BRD4: variants seen among roughly 807,000 people sequenced by gnomAD.
The protein encoded by BRD4 is bromodomain containing 4.
A neutral mutation model predicts 142.1 loss-of-function variants in BRD4; 16 were observed. The ratio of observed to expected loss-of-function variants is 0.11; its 90% CI spans 0.08 to 0.17. The LOEUF is 0.17. Ranked by LOEUF, BRD4 falls within the 10% of genes least tolerant of loss-of-function variation. The pLI is 1.00. For synonymous variants in BRD4, 833 were observed against 707.5 expected (o/e 1.18, Z -2.82); for missense variants, 1,424 against 1,810.9 (o/e 0.79, Z 3.88).
intron 1 of BRD4, among the ~76,000 whole-genome samples, chr19:15,289,665 C>CAAAAAAAAAAA (rs34191233): frequency 8.7e-6 from 1 of 115,528 alleles, no homozygotes; most frequent in African/African-American, 3.0e-5. Flanking sequence ...GGTTTTGATC[C>CAAAAAAAAAAA]AAAAAAAAAA....
intron 1 of BRD4, among the ~76,000 whole-genome samples, chr19:15,311,161 A>C (rs1271673511): frequency 2.0e-5 from 3 of 151,476 alleles, no homozygotes; most frequent in Admixed American, 2.0e-4. Context: ...CATGGTGGCA[A>C]GGGGCCTGTA....
intron 10 of BRD4, 87 bp from the exon 11 acceptor site, chr19:15,254,349 G>T: frequency 8.6e-7 from 1 of 1,166,304 alleles, no homozygotes; most frequent in Non-Finnish European, 1.3e-6. Flanking sequence ...TCCATCTGGA[G>T]GAAGGACCAG....
Position 15,239,366 on chromosome 19 carries a change from C to T in BRD4, c.3576+26G>A, listed in dbSNP as rs192715927. ...GCACCTTCCAGGGCCAAGGGGCAAGCGACACCCATGGACCTCCATCCCAAC... is the reference window on the plus strand; with the variant it reads ...GCACCTTCCAGGGCCAAGGGGCAAGTGACACCCATGGACCTCCATCCCAAC... On this transcript the variant is annotated intron_variant, in intron 17 of 19. Transcript: ENST00000679869. This position sits in a 1 kb window ranked among gnomAD's most constrained non-coding sequence, Gnocchi z 7.4. The T allele has an allele frequency of 3.0e-5, 48 of 1,614,126 alleles. No homozygotes were observed. The highest frequency in any genetic ancestry group is 6.7e-5 in the African/African-American group (5 of 75,048).
rs556078235 is a variant in BRD4 at position 15,241,333 on chromosome 19, C to T, written c.3170-1311G>A. Among the ~76,000 whole-genome samples, 4 of 152,334 alleles carry T rather than the reference C, an allele frequency of 2.6e-5. No individual in the cohort carries two copies. The South Asian group carries it at 8.3e-4, about 32-fold the overall frequency. ...CACCTGCTGAGGCTGACCTGGGCAA[C>T]GGTAGGCTCCAGGGGCTGTGGTTTA... On this transcript the variant is annotated intron_variant, in intron 14 of 19. Coordinates refer to ENST00000679869, the MANE Select transcript of BRD4 (RefSeq NM_001379291.1).
rs1236171366 is a variant in BRD4, at chr19:15,243,134, G to T, written c.2935C>A (p.Pro979Thr). The T allele has an allele frequency of 7.9e-7, 1 of 1,267,018 alleles. No homozygotes were observed. The highest frequency in any genetic ancestry group is 1.1e-6 in the Non-Finnish European group (1 of 943,434). The allele number at this position is 1,267,018 out of a possible 1,614,324, so 78.5% of individuals were successfully genotyped here. The change falls in exon 14 of 20, where the codon CCA becomes ACA. Residue 979 changes from proline (P) to threonine (T), a missense_variant. Transcript: ENST00000679869. The stretch of plus-strand genomic sequence containing the variant: ...TGGGGTGGAGGCTGGGGCTGGGGTG[G>T]TGGGGGTGGTGGCGGCTGCTGCTGC... ...QLQQQPPPPPPPQPQPPPQQQ... is the reference protein window; with the variant it reads ...QLQQQPPPPPTPQPQPPPQQQ...
chr19:15,282,346 A>G (rs1327733953), intron 1 of BRD4, among the ~76,000 whole-genome samples: 4 of 152,240 alleles, frequency 2.6e-5, no homozygotes, highest in African/African-American at 9.6e-5. Flanking sequence ...AAAATTACAG[A>G]TGAAATTAGG....
intron 7 of BRD4, among the ~76,000 whole-genome samples, chr19:15,263,068 C>T (rs1052924820): frequency 2.6e-5 from 4 of 152,126 alleles, no homozygotes; most frequent in Admixed American, 1.3e-4. Flanking sequence ...CCTCAGCTCA[C>T]GACTGTGACA....
At chr19:15,317,409 T>C (rs1393194325) in intron 1 of BRD4, among the ~76,000 whole-genome samples, 2 of 152,192 alleles carry the variant, frequency 1.3e-5, no homozygotes, top group African/African-American at 4.8e-5. Context: ...CTGATGGATG[T>C]CTGGCTCCAC....
intron 11 of BRD4, among the ~76,000 whole-genome samples, chr19:15,251,884 G>A (rs80269393): frequency 1.3e-5 from 2 of 152,312 alleles, no homozygotes; most frequent in East Asian, 3.9e-4. Flanking sequence ...TGGGGAGGGC[G>A]CCTGGGAAGA....
chr19:15,316,074 T>G (rs1180311452), intron 1 of BRD4, among the ~76,000 whole-genome samples: 1 of 139,338 alleles, frequency 7.2e-6, no homozygotes, highest in Non-Finnish European at 1.5e-5. Flanking sequence ...AAGAATGGCG[T>G]GAACCCGGGA....
At chr19:15,251,437 ACGGGGGGGGGGGGGGGGG>A (rs2145551328) in intron 11 of BRD4, among the ~76,000 whole-genome samples, 1 of 1,042 alleles carries the variant, frequency 9.6e-4, no homozygotes, top group East Asian at 0.036. Flanking sequence ...AAACACAAGA[ACGGGGGGGGGGGGGGGGG>A]CGGGGGCGCG....
chr19:15,249,359 C>T lies in BRD4; in HGVS notation c.2159-4597G>A, dbSNP rs139109804. On this transcript the variant is annotated intron_variant, in intron 11 of 19. Coordinates refer to ENST00000679869, the MANE Select transcript of BRD4 (RefSeq NM_001379291.1). The stretch of plus-strand genomic sequence containing the variant: ...GAATGTACCATTTAAGTCACAAGAA[C>T]AGAAGAACCGCAGACTGAGCCAACC... 95 of 1,612,648 alleles carry T rather than the reference C, an allele frequency of 5.9e-5. No homozygotes were observed. In the African/African-American group the frequency reaches 1.2e-3, roughly 21 times the overall value.
At chr19:15,320,366 G>C (rs953848506) in intron 1 of BRD4, among the ~76,000 whole-genome samples, 17 of 152,168 alleles carry the variant, frequency 1.1e-4, no homozygotes, top group Non-Finnish European at 7.3e-5. Flanking sequence ...AAATAGCTTA[G>C]CAAATAGCAA....
intron 1 of BRD4, among the ~76,000 whole-genome samples, chr19:15,302,255 T>C (rs941373098): frequency 9.9e-5 from 15 of 152,036 alleles, no homozygotes; most frequent in African/African-American, 3.6e-4. Flanking sequence ...CCTTTAGACC[T>C]GGTACAGAGA....
chr19:15,276,187 G>A (rs1263421210), intron 1 of BRD4, among the ~76,000 whole-genome samples: 3 of 152,124 alleles, frequency 2.0e-5, no homozygotes, highest in African/African-American at 7.2e-5. Context: ...GAAACTTCAA[G>A]AGCCCACTCT....
At chr19:15,251,354 T>C (rs940402714) in intron 11 of BRD4, among the ~76,000 whole-genome samples, 1 of 144,172 alleles carries the variant, frequency 6.9e-6, no homozygotes, top group Non-Finnish European at 1.5e-5. Context: ...AGGGCCGTTG[T>C]CAGCGGAACT....
chr19:15,317,985 C>A (rs1265789936), intron 1 of BRD4, among the ~76,000 whole-genome samples: 3 of 152,178 alleles, frequency 2.0e-5, no homozygotes, highest in Non-Finnish European at 4.4e-5. Context: ...TATTACTTGG[C>A]AGCTTTTTAT....
At chr19:15,276,899 A>C (rs2047653138) in intron 1 of BRD4, among the ~76,000 whole-genome samples, 1 of 152,078 alleles carries the variant, frequency 6.6e-6, no homozygotes, top group Non-Finnish European at 1.5e-5. Context: ...GGACGGGGAG[A>C]GGGATCTGCA....
intron 1 of BRD4, among the ~76,000 whole-genome samples, chr19:15,330,234 T>G (rs1399441331): frequency 6.6e-6 from 1 of 152,200 alleles, no homozygotes; most frequent in Non-Finnish European, 1.5e-5. Flanking sequence ...TTTGAGCCTT[T>G]AAGATACTAT....
Sources: allele counts gnomAD v4.1 joint callset (sites outside exome capture counted in the v4.1 genomes callset), GRCh38; gene constraint gnomAD v4.1.1; non-coding constraint Gnocchi (gnomAD v3.1); transcripts MANE v1.5; gene names NCBI Gene and HGNC (gene_info 2026-07-23, HGNC 2026-07-21).